The following NEDD9 variants were observed in gnomAD, a reference collection of about 807,000 sequenced individuals.
NEDD9 encodes the protein enhancer of filamentation 1.
A neutral mutation model predicts 76.6 loss-of-function variants in NEDD9; 26 were observed. The ratio of observed to expected loss-of-function variants is 0.34; its 90% CI spans 0.25 to 0.47. The LOEUF is 0.47. NEDD9 is among the 20% of genes least tolerant of loss of function. The pLI, the probability that NEDD9 is intolerant of heterozygous loss-of-function variation, is 1.00. For synonymous variants in NEDD9, 392 were observed against 414.2 expected, an observed-to-expected ratio of 0.95 and a Z score of 0.65; for missense variants, 937 against 1,058.5, an observed-to-expected ratio of 0.89 and a Z score of 1.59.
intron 1 of NEDD9, among the ~76,000 whole-genome samples, chr6:11,356,994 G>A (rs1458354146): frequency 6.6e-6 from 1 of 152,116 alleles, no homozygotes; most frequent in Non-Finnish European, 1.5e-5. Flanking sequence ...ACAATGAGGT[G>A]ACTGAGGCCT....
intron 3 of NEDD9, among the ~76,000 whole-genome samples, chr6:11,255,187 G>A (rs1192990495): frequency 2.0e-5 from 3 of 152,202 alleles, no homozygotes; most frequent in Non-Finnish European, 4.4e-5. Flanking sequence ...GAATCTTATG[G>A]GCAGAGATAC....
chr6:11,326,351 A>G (rs1016367571), intron 2 of NEDD9, among the ~76,000 whole-genome samples: 1 of 152,178 alleles, frequency 6.6e-6, no homozygotes, highest in Admixed American at 6.5e-5. Flanking sequence ...CCAAAATTGC[A>G]TTCTGTGTTT....
intron 1 of NEDD9, among the ~76,000 whole-genome samples, chr6:11,230,710 C>A (rs912088147): frequency 1.3e-5 from 2 of 152,200 alleles, no homozygotes; most frequent in African/African-American, 4.8e-5. Context: ...GGTGAAGGTG[C>A]CTACAAGGTA....
chr6:11,330,287 C>T (rs146702941), intron 2 of NEDD9, among the ~76,000 whole-genome samples: 29 of 152,120 alleles, frequency 1.9e-4, no homozygotes, highest in East Asian at 3.9e-4. Context: ...GACTTTAACC[C>T]GTGTTGGTAT....
At position 11,334,127 on chromosome 6, in the gene NEDD9, A is replaced by G. The variant is rs370161468; in HGVS notation, c.-153+374T>C. Among the ~76,000 whole-genome samples, 10 of 152,258 alleles carry G rather than the reference A, an allele frequency of 6.6e-5. No homozygotes were observed. The East Asian group carries it at 9.6e-4, about 15-fold the overall frequency. The stretch of plus-strand genomic sequence containing the variant: ...GCACATCAATCAAAAATCAAGTTCT[A>G]TAAAGTTACTAATAGGGAAATATAT... On this transcript the variant is annotated intron_variant, in intron 2 of 3. Transcript: ENST00000397378.
chr6:11,300,745 C>T (rs1015450067), intron 3 of NEDD9, among the ~76,000 whole-genome samples: 1 of 152,176 alleles, frequency 6.6e-6, no homozygotes, highest in Admixed American at 6.5e-5. Flanking sequence ...AACCCAGAAT[C>T]TCATATCCAG....
intron 2 of NEDD9, among the ~76,000 whole-genome samples, chr6:11,333,920 C>T (rs1762098747): frequency 6.6e-6 from 1 of 152,198 alleles, no homozygotes; most frequent in Non-Finnish European, 1.5e-5. Context: ...CAAGATGGAC[C>T]CTCCAGTTCT....
At chr6:11,313,300 T>G (rs1205139865) in intron 2 of NEDD9, among the ~76,000 whole-genome samples, 1 of 151,468 alleles carries the variant, frequency 6.6e-6, no homozygotes, top group Non-Finnish European at 1.5e-5. Flanking sequence ...GATTGTTGAA[T>G]GGATGGGTGG....
At chr6:11,250,842 A>G (rs1759901805) in intron 3 of NEDD9, among the ~76,000 whole-genome samples, 1 of 152,222 alleles carries the variant, frequency 6.6e-6, no homozygotes, top group South Asian at 2.1e-4. Context: ...ACTGATTAAC[A>G]ACATTAAAAT....
At chr6:11,208,999 CTTA>C (rs572243702) in intron 2 of NEDD9, among the ~76,000 whole-genome samples, 147 of 152,244 alleles carry the variant, frequency 9.7e-4, no homozygotes, top group Non-Finnish European at 8.8e-4. Context: ...CTATGAGTAA[CTTA>C]TTTAATTTAG....
At chr6:11,235,197 T>A (rs562688612), upstream of NEDD9, among the ~76,000 whole-genome samples, 65 of 152,264 alleles carry the variant, frequency 4.3e-4, no homozygotes, top group African/African-American at 1.3e-3. This position sits in a 1 kb window ranked among gnomAD's most constrained non-coding sequence, Gnocchi z 4.1. Flanking sequence ...TTAATTAATA[T>A]CAGATTTATG....
chr6:11,204,406 A>G (rs536990774), intron 2 of NEDD9, among the ~76,000 whole-genome samples: 1 of 152,278 alleles, frequency 6.6e-6, no homozygotes, highest in East Asian at 1.9e-4. Flanking sequence ...TACCCATTTG[A>G]AGGAATTTGA....
At chr6:11,299,838 G>A (rs1036835141) in intron 3 of NEDD9, among the ~76,000 whole-genome samples, 21 of 152,140 alleles carry the variant, frequency 1.4e-4, no homozygotes, top group Admixed American at 9.2e-4. Context: ...CATCCACACC[G>A]AAACTCCATC....
chr6:11,201,062 T>C, intron 2 of NEDD9: 1 of 1,614,182 alleles, frequency 6.2e-7, no homozygotes, highest in Non-Finnish European at 8.5e-7. Flanking sequence ...GACAAAGCAT[T>C]TTCTGTCAAG....
intron 1 of NEDD9, among the ~76,000 whole-genome samples, chr6:11,229,820 T>C (rs1205327696): frequency 6.6e-6 from 1 of 152,186 alleles, no homozygotes; most frequent in Non-Finnish European, 1.5e-5. Flanking sequence ...TCCGGAGTAA[T>C]AGCTTACATT....
In NEDD9 at chr6:11,232,587, T is replaced by A; in HGVS notation, c.-72A>T. The A allele has an allele frequency of 6.2e-7, 1 of 1,613,022 alleles. No homozygotes were observed. On this transcript the variant is annotated 5_prime_UTR_variant, in exon 1 of 7. Coordinates refer to ENST00000379446, the MANE Select transcript of NEDD9 (RefSeq NM_006403.4). ...CATTAAGCACTGCGGTGCCCGCCCCTCCATTGAGTGCAGCGCTAGATGAAA... is the reference window on the plus strand; with the variant it reads ...CATTAAGCACTGCGGTGCCCGCCCCACCATTGAGTGCAGCGCTAGATGAAA...
At chr6:11,228,635 T>TAGC (rs1462276181) in intron 1 of NEDD9, among the ~76,000 whole-genome samples, 2 of 151,918 alleles carry the variant, frequency 1.3e-5, no homozygotes, top group Non-Finnish European at 2.9e-5. Context: ...GACTGACGTG[T>TAGC]ATCCCAGCAA....
At chr6:11,298,950 T>A (rs1319271725) in intron 3 of NEDD9, among the ~76,000 whole-genome samples, 1 of 152,198 alleles carries the variant, frequency 6.6e-6, no homozygotes, top group Admixed American at 6.5e-5. Flanking sequence ...TTTCTGCATT[T>A]CCAACTGAGG....
chr6:11,250,096 C>G (rs1252289868), intron 3 of NEDD9, among the ~76,000 whole-genome samples: 1 of 152,200 alleles, frequency 6.6e-6, no homozygotes, highest in Non-Finnish European at 1.5e-5. Flanking sequence ...GCCAAAGACA[C>G]AGTCAGACAT....
Sources: allele counts gnomAD v4.1 joint callset (sites outside exome capture counted in the v4.1 genomes callset), GRCh38; gene constraint gnomAD v4.1.1; non-coding constraint Gnocchi (gnomAD v3.1); transcripts MANE v1.5; gene names NCBI Gene and HGNC (gene_info 2026-07-23, HGNC 2026-07-21).